STPG1: variants seen among roughly 807,000 people sequenced by gnomAD.
The protein encoded by STPG1 is sperm tail PG-rich repeat containing 1.
Under a neutral mutation model 40.1 loss-of-function variants are expected in STPG1, and 33 were observed. That is an observed-to-expected ratio of 0.82 (90% confidence interval 0.62 to 1.10). The LOEUF is 1.10. Among genes scored for constraint, STPG1 ranks in the 50% least tolerant of loss-of-function variants. The pLI, the probability that STPG1 is intolerant of heterozygous loss-of-function variation, is 0.00. For synonymous variants in STPG1, 150 were observed against 155.0 expected (o/e 0.97, Z 0.24); for missense variants, 396 against 415.1 (o/e 0.95, Z 0.40).
At chr1:24,405,042 C>T (rs1417853561) in intron 1 of STPG1, among the ~76,000 whole-genome samples, 1 of 152,248 alleles carries the variant, frequency 6.6e-6, no homozygotes, top group Non-Finnish European at 1.5e-5. Context: ...ACTGCAACCT[C>T]CAACTCCCAG....
At chr1:24,384,630 G>C (rs527567) in intron 3 of STPG1, among the ~76,000 whole-genome samples, 54,543 of 152,002 alleles carry the variant, frequency 0.36, 9,938 homozygotes, top group African/African-American at 0.4. Flanking sequence ...TCTGCTGCGG[G>C]AGCTCATCGG....
chr1:24,395,674 T>C (rs1447935356), intron 2 of STPG1, among the ~76,000 whole-genome samples: 1 of 152,202 alleles, frequency 6.6e-6, no homozygotes, highest in Non-Finnish European at 1.5e-5. Flanking sequence ...CCTCATGATC[T>C]GCCCGCCCCG....
chr1:24,401,585 G>A (rs1643230287), intron 1 of STPG1, 129 bp from the exon 2 acceptor site: 1 of 593,000 alleles, frequency 1.7e-6, no homozygotes, highest in Non-Finnish European at 3.1e-6. Context: ...ACCAAGTGCA[G>A]TGACCCAAAG....
chr1:24,408,651 C>T (rs1007466637), intron 1 of STPG1, among the ~76,000 whole-genome samples: 1 of 152,222 alleles, frequency 6.6e-6, no homozygotes, highest in African/African-American at 2.4e-5. Context: ...TGTACTGTGC[C>T]TGTTGTCCAA....
intron 5 of STPG1, among the ~76,000 whole-genome samples, chr1:24,378,901 T>C (rs1005535596): frequency 6.6e-5 from 10 of 152,218 alleles, no homozygotes; most frequent in Non-Finnish European, 1.3e-4. Flanking sequence ...CTTACTTGCT[T>C]GTATTTAAGG....
intron 6 of STPG1, among the ~76,000 whole-genome samples, chr1:24,370,945 A>G (rs944702239): frequency 1.3e-5 from 2 of 152,054 alleles, no homozygotes; most frequent in Non-Finnish European, 2.9e-5. Flanking sequence ...GAGCACCACT[A>G]TGTAGAGACT....
At chr1:24,379,562 A>T in intron 5 of STPG1, 91 bp downstream of exon 5, 1 of 1,444,810 alleles carries the variant, frequency 6.9e-7, no homozygotes, top group Non-Finnish European at 9.7e-7. Context: ...CAACTGCATT[A>T]AAATACGATG....
intron 5 of STPG1, among the ~76,000 whole-genome samples, chr1:24,374,402 G>C (rs1641920333): frequency 6.6e-6 from 1 of 151,132 alleles, no homozygotes; most frequent in Non-Finnish European, 1.5e-5. Flanking sequence ...GGGACTATAG[G>C]TGCCTACCAC....
intron 1 of STPG1, among the ~76,000 whole-genome samples, chr1:24,403,337 G>A (rs1037104486): frequency 3.3e-5 from 5 of 152,122 alleles, no homozygotes; most frequent in African/African-American, 1.2e-4. Flanking sequence ...TGAACTCTGT[G>A]TATATCCTTA....
chr1:24,395,172 A>C (rs1160008506), intron 2 of STPG1, among the ~76,000 whole-genome samples: 1 of 152,008 alleles, frequency 6.6e-6, no homozygotes, highest in East Asian at 1.9e-4. Flanking sequence ...AAAGGAAAAA[A>C]AAAACCTGTC....
intron 7 of STPG1, chr1:24,364,336 G>A (rs1201031946): frequency 3.2e-5 from 50 of 1,548,402 alleles, no homozygotes; most frequent in South Asian, 6.0e-5. Context: ...CCCCACCACC[G>A]TCAACAGCCT....
chr1:24,370,393 C>T (rs1641680740), intron 6 of STPG1, among the ~76,000 whole-genome samples: 1 of 150,910 alleles, frequency 6.6e-6, no homozygotes, highest in Non-Finnish European at 1.5e-5. Context: ...ACAATCACAG[C>T]TCACTGTAGC....
chr1:24,367,727 T>C (rs1377737866), intron 7 of STPG1, among the ~76,000 whole-genome samples: 1 of 152,176 alleles, frequency 6.6e-6, no homozygotes, highest in South Asian at 2.1e-4. Context: ...TTGGCCAGAC[T>C]GGTCTCAAAC....
chr1:24,411,400 C>T (rs528991714), intron 1 of STPG1, among the ~76,000 whole-genome samples: 2 of 152,122 alleles, frequency 1.3e-5, no homozygotes, highest in Non-Finnish European at 2.9e-5. Flanking sequence ...TATTAACTTG[C>T]TAAATTTTGA....
At chr1:24,373,624 T>C (rs527499502) in intron 6 of STPG1, 78 bp downstream of exon 6, 24 of 953,066 alleles carry the variant, frequency 2.5e-5, no homozygotes, top group Non-Finnish European at 3.9e-5. Flanking sequence ...AGACTCCCTG[T>C]GAAGAAGTAG....
At position 24,379,672 on chromosome 1, in the gene STPG1, G is replaced by A; in HGVS notation, c.443C>T (p.Pro148Leu). The change falls in exon 5 of 9, where the codon CCT becomes CTT. Residue 148 changes from proline to leucine, a missense_variant. Coordinates refer to ENST00000337248, the MANE Select transcript of STPG1 (RefSeq NM_001199013.2). The stretch of plus-strand genomic sequence containing the variant: ...TCTTACATTGTAATAGTTTGGTGCA[G>A]GAGTTTCAAACTTGAGAGCTTTCAT... ...SFMKALKFET[P>L]APNYYNASVS... The A allele has an allele frequency of 6.2e-7, 1 of 1,614,166 alleles. No individual in the cohort carries two copies. The highest frequency in any genetic ancestry group is 8.5e-7 in the Non-Finnish European group (1 of 1,179,988).
intron 1 of STPG1, among the ~76,000 whole-genome samples, chr1:24,410,332 C>T (rs1222316780): frequency 2.6e-5 from 4 of 152,116 alleles, no homozygotes; most frequent in South Asian, 2.1e-4. Flanking sequence ...AATCCATGGC[C>T]GAGCGCTGTG....
At chr1:24,389,729 T>C (rs901852857) in intron 3 of STPG1, among the ~76,000 whole-genome samples, 1 of 152,154 alleles carries the variant, frequency 6.6e-6, no homozygotes, top group Non-Finnish European at 1.5e-5. Context: ...AGAGGGACAA[T>C]ATATTATCAT....
intron 2 of STPG1, among the ~76,000 whole-genome samples, chr1:24,398,712 A>C (rs540829732): frequency 3.9e-4 from 59 of 152,202 alleles, no homozygotes; most frequent in African/African-American, 1.4e-3. Flanking sequence ...AGCAACAAAC[A>C]ATTTAAAATA....
Sources: allele counts gnomAD v4.1 joint callset (sites outside exome capture counted in the v4.1 genomes callset), GRCh38; gene constraint gnomAD v4.1.1; transcripts MANE v1.5; gene names NCBI Gene and HGNC (gene_info 2026-07-23, HGNC 2026-07-21).